HDAC9: variants seen among roughly 807,000 people sequenced by gnomAD.
The protein encoded by HDAC9 is histone deacetylase 9.
Under a neutral mutation model 139.4 loss-of-function variants are expected in HDAC9, and 41 were observed. The ratio of observed to expected loss-of-function variants is 0.29; its 90% confidence interval spans 0.23 to 0.38. The LOEUF is 0.38. Ranked by LOEUF, HDAC9 falls within the 10% of genes least tolerant of loss-of-function variation. The probability of loss-of-function intolerance (pLI) is 1.00; values close to 1 mark genes in which losing one functional copy is unlikely to be tolerated. For missense variants in HDAC9, 1,147 were observed against 1,297.0 expected (o/e 0.88, Z 1.78); for synonymous variants, 517 against 476.2 (o/e 1.09, Z -1.12).
At chr7:18,786,303 G>A (rs561084222) in intron 16 of HDAC9, among the ~76,000 whole-genome samples, 34 of 152,152 alleles carry the variant, frequency 2.2e-4, no homozygotes, top group Admixed American at 6.5e-4. Context: ...TATAACTAGC[G>A]CTTTACTGGC....
Position 18,183,270 on chromosome 7 carries a change from A to G in HDAC9, c.25+20921A>G, listed in dbSNP as rs1010758407. Among the ~76,000 whole-genome samples, 5 of 152,114 alleles carry G rather than the reference A, an allele frequency of 3.3e-5. 1 individual carries two copies. The highest frequency in any genetic ancestry group is 7.4e-5 in the Non-Finnish European group (5 of 68,000). ...GTGATCCGCCCGCCTCGGCCTCCCA[A>G]AGTGCTGGGATTACAGGCGTGAGCC... On this transcript the variant is annotated intron_variant, in intron 2 of 12. Transcript: ENST00000417496.
intron 21 of HDAC9, among the ~76,000 whole-genome samples, chr7:18,839,720 T>C (rs1014665748): frequency 6.6e-6 from 1 of 152,094 alleles, no homozygotes; most frequent in Admixed American, 6.6e-5. Flanking sequence ...GACTTGTCTT[T>C]ATTGAACAAA....
intron 1 of HDAC9, among the ~76,000 whole-genome samples, chr7:18,120,385 G>A (rs1039300919): frequency 4.6e-5 from 7 of 152,168 alleles, no homozygotes; most frequent in African/African-American, 1.7e-4. Flanking sequence ...TGTAGCTGAG[G>A]TTCAAAAGGG....
chr7:18,612,805 C>G (rs1292038125), intron 6 of HDAC9, among the ~76,000 whole-genome samples: 1 of 151,884 alleles, frequency 6.6e-6, no homozygotes, highest in Non-Finnish European at 1.5e-5. Flanking sequence ...GAAGAAAGAC[C>G]ATGACTGTTA....
chr7:18,568,570 T>C (rs1232683620), intron 2 of HDAC9, among the ~76,000 whole-genome samples: 3 of 152,374 alleles, frequency 2.0e-5, no homozygotes, highest in East Asian at 3.9e-4. Context: ...AAAATTAGTA[T>C]ATCAATCTAG....
intron 19 of HDAC9, among the ~76,000 whole-genome samples, chr7:18,832,758 G>A (rs563882609): frequency 2.4e-4 from 36 of 151,526 alleles, no homozygotes; most frequent in African/African-American, 8.2e-4. Flanking sequence ...TTCTTGAGAC[G>A]GAGTTTCGCT....
At chr7:18,119,415 C>T (rs952149186) in intron 1 of HDAC9, among the ~76,000 whole-genome samples, 14 of 152,296 alleles carry the variant, frequency 9.2e-5, no homozygotes, top group African/African-American at 3.4e-4. Context: ...CAGCTGAGGA[C>T]ATTTGCCATA....
chr7:18,106,239 G>A (rs917959454), intron 1 of HDAC9, among the ~76,000 whole-genome samples: 2 of 152,042 alleles, frequency 1.3e-5, no homozygotes, highest in African/African-American at 4.8e-5. Flanking sequence ...AAAAAGTCAG[G>A]GAACGCAGTG....
intron 1 of HDAC9, among the ~76,000 whole-genome samples, chr7:18,294,706 G>T (rs1447715440): frequency 6.6e-6 from 1 of 152,080 alleles, no homozygotes; most frequent in African/African-American, 2.4e-5. Flanking sequence ...GGTTTACACG[G>T]GGAGTTGCAT....
chr7:18,407,941 T>C lies in HDAC9; in HGVS notation c.-41-88321T>C, dbSNP rs559987436. Among the ~76,000 whole-genome samples, 16 of 152,306 alleles carry C rather than the reference T, an allele frequency of 1.1e-4. No homozygotes were observed. In the South Asian group the frequency reaches 2.9e-3, roughly 28 times the overall value. On this transcript the variant is annotated intron_variant, in intron 1 of 3. Transcript: ENST00000413509. ...AATAAAATCATAAGAAGAAACACTT[T>C]GGATTCTAATGGAGTGAGTTTGAGT...
At chr7:18,420,086 A>G (rs754280718) in intron 1 of HDAC9, among the ~76,000 whole-genome samples, 35 of 152,332 alleles carry the variant, frequency 2.3e-4, no homozygotes, top group Non-Finnish European at 3.8e-4. Flanking sequence ...GATAAACAAA[A>G]CTCATAAACC....
At chr7:18,950,165 A>G (rs1317761040) in intron 23 of HDAC9, among the ~76,000 whole-genome samples, 2 of 152,006 alleles carry the variant, frequency 1.3e-5, no homozygotes, top group Non-Finnish European at 2.9e-5. Flanking sequence ...TTGTCATTCT[A>G]TTGCTTTTTC....
intron 2 of HDAC9, among the ~76,000 whole-genome samples, chr7:18,555,740 A>T (rs868755534): frequency 6.6e-6 from 1 of 152,110 alleles, no homozygotes; most frequent in Admixed American, 6.5e-5. Flanking sequence ...ATAATAAACG[A>T]TATTTTTAAA....
At chr7:18,491,269 C>A (rs1796343687), upstream of HDAC9, among the ~76,000 whole-genome samples, 1 of 151,620 alleles carries the variant, frequency 6.6e-6, no homozygotes, top group African/African-American at 2.4e-5. Context: ...AAAATTAAAA[C>A]AAAACAATAC....
intron 1 of HDAC9, among the ~76,000 whole-genome samples, chr7:18,131,692 A>T (rs1398664576): frequency 7.2e-5 from 11 of 152,136 alleles, no homozygotes; most frequent in Non-Finnish European, 1.2e-4. Context: ...CAAAGGACAG[A>T]AACTCTGATG....
chr7:18,433,512 C>T (rs958636277), intron 1 of HDAC9, among the ~76,000 whole-genome samples: 1 of 152,030 alleles, frequency 6.6e-6, no homozygotes, highest in East Asian at 1.9e-4. Context: ...AGTCTCTGCT[C>T]AAAAGCTATA....
chr7:18,622,870 A>G (rs939930114), intron 6 of HDAC9, among the ~76,000 whole-genome samples: 1 of 151,894 alleles, frequency 6.6e-6, no homozygotes, highest in Non-Finnish European at 1.5e-5. Flanking sequence ...GAGGCCGGGT[A>G]CAGTGGCTCA....
At chr7:18,267,062 G>A (rs1415517264) in intron 2 of HDAC9, among the ~76,000 whole-genome samples, 1 of 151,862 alleles carries the variant, frequency 6.6e-6, no homozygotes, top group South Asian at 2.1e-4. Flanking sequence ...AATTGTGAGG[G>A]GACCAGTCTA....
intron 24 of HDAC9, among the ~76,000 whole-genome samples, chr7:18,960,009 A>AACACACACACACACACACACACAC (rs58030908): frequency 5.8e-4 from 87 of 149,022 alleles, no homozygotes; most frequent in African/African-American, 2.1e-3. Context: ...TGTTGTTTTA[A>AACACACACACACACACACACACAC]ACACACACAC....
Sources: gnomAD v4.1 joint callset for allele counts (sites outside exome capture counted in the v4.1 genomes callset) on GRCh38, gnomAD v4.1.1 for gene constraint, MANE v1.5 for transcripts, NCBI Gene and HGNC (gene_info 2026-07-23, HGNC 2026-07-21) for gene names.